HMSD: variants seen among roughly 807,000 people sequenced by gnomAD.
HMSD encodes histocompatibility minor serpin domain containing.
In HMSD, 13 loss-of-function variants were observed where a neutral mutation model predicts 10.0. The ratio of observed to expected loss-of-function variants is 1.31; its 90% CI spans 0.85 to 2.08. The LOEUF (loss-of-function observed/expected upper bound fraction) is 2.08. HMSD is among the 30% of genes most tolerant of loss of function. The pLI is 0.00. For synonymous variants in HMSD, 51 were observed against 54.2 expected (o/e 0.94, Z 0.26); for missense variants, 169 against 166.3 (o/e 1.02, Z -0.09).
intron 1 of HMSD, among the ~76,000 whole-genome samples, chr18:63,952,040 C>CA (rs1040138258): frequency 2.0e-5 from 3 of 147,176 alleles, no homozygotes; most frequent in Non-Finnish European, 4.5e-5. Context: ...ATCGCAAGAA[C>CA]AAAAAACCAA....
downstream of HMSD, among the ~76,000 whole-genome samples, chr18:63,964,713 G>A (rs953244921): frequency 6.6e-6 from 1 of 152,090 alleles, no homozygotes; most frequent in Non-Finnish European, 1.5e-5. Context: ...GGCAGGGAGA[G>A]CAATTTATCT....
At chr18:63,967,661 G>A (rs1387867113) in intron 3 of HMSD, among the ~76,000 whole-genome samples, 1 of 152,192 alleles carries the variant, frequency 6.6e-6, no homozygotes, top group Non-Finnish European at 1.5e-5. Context: ...CTAGGTCAAG[G>A]TTGAGTCGGG....
downstream of HMSD, among the ~76,000 whole-genome samples, chr18:63,963,307 C>T (rs578237244): frequency 6.6e-6 from 1 of 151,608 alleles, no homozygotes; most frequent in African/African-American, 2.4e-5. Flanking sequence ...CGCTCTGTCA[C>T]CCAGGCTGGA....
intron 3 of HMSD, among the ~76,000 whole-genome samples, chr18:63,956,619 A>G (rs1158084505): frequency 1.3e-5 from 2 of 152,236 alleles, no homozygotes; most frequent in African/African-American, 4.8e-5. Flanking sequence ...GAACACTTCC[A>G]TGCGGCTGGT....
intron 1 of HMSD, among the ~76,000 whole-genome samples, chr18:63,949,614 C>T (rs1317400395): frequency 2.0e-5 from 3 of 152,120 alleles, no homozygotes; most frequent in African/African-American, 7.2e-5. Flanking sequence ...GGCTGTGTGC[C>T]CTATGGGTCC....
At chr18:63,956,081 A>G (rs2050356554) in intron 3 of HMSD, among the ~76,000 whole-genome samples, 1 of 152,204 alleles carries the variant, frequency 6.6e-6, no homozygotes, top group African/African-American at 2.4e-5. Context: ...CAGCCCCAGT[A>G]GAGGCCACAG....
At chr18:63,957,271 C>G (rs953800827) in intron 3 of HMSD, among the ~76,000 whole-genome samples, 7 of 148,924 alleles carry the variant, frequency 4.7e-5, no homozygotes, top group African/African-American at 7.5e-5. Flanking sequence ...ACAACATATG[C>G]GATAGGGAAG....
rs567660045 is a variant in HMSD at position 63,952,212 on chromosome 18, T to C, written c.-102-1142T>C. 1.7e-4 allele frequency among the ~76,000 whole-genome samples: 26 copies of C among 151,212 alleles called. 1 individual carries two copies. Among genetic ancestry groups the C allele is most frequent in the Admixed American group, 1.6e-3 (24 of 15,208 alleles). ...CTAGATGACGAGTTAGTGGGTGCAG[T>C]GCACCAGCATGGCACATGTATACAT... is the stretch of plus-strand genomic sequence containing the variant. On this transcript the variant is annotated intron_variant, in intron 1 of 3. Coordinates refer to ENST00000408945, the MANE Select transcript of HMSD (RefSeq NM_001123366.2).
intron 1 of HMSD, among the ~76,000 whole-genome samples, chr18:63,949,946 G>GA (rs1306187464): frequency 6.6e-6 from 1 of 152,160 alleles, no homozygotes; most frequent in African/African-American, 2.4e-5. Flanking sequence ...AAATGAGGAC[G>GA]ATACTGTTGC....
At chr18:63,963,909 G>A (rs1044155458), downstream of HMSD, among the ~76,000 whole-genome samples, 3 of 152,182 alleles carry the variant, frequency 2.0e-5, no homozygotes, top group African/African-American at 7.2e-5. Flanking sequence ...TTCAGTGTAG[G>A]CACCCAGCAG....
Position 63,960,641 on chromosome 18 carries a change from T to A in HMSD, c.*286T>A. ...CAGGCTTGAAATGCAACTGCTGTGA[T>A]CAGTGATAAGGGAACACACTGATGA... On this transcript the variant is annotated 3_prime_UTR_variant, in exon 4 of 4. Transcript: ENST00000408945. The A allele has an allele frequency of 3.1e-6, 1 of 324,624 alleles. No homozygotes were observed. Among genetic ancestry groups the A allele is most frequent in the Admixed American group, 5.0e-5 (1 of 19,902 alleles). The allele number at this position is 324,624 out of a possible 1,614,324, so 20.1% of individuals were successfully genotyped here. A position where few individuals can be genotyped will look rare whatever the true frequency, so the allele number is the denominator to read the frequency against.
At chr18:63,957,410 T>G (rs909815481) in intron 3 of HMSD, among the ~76,000 whole-genome samples, 1 of 152,172 alleles carries the variant, frequency 6.6e-6, no homozygotes, top group Non-Finnish European at 1.5e-5. Flanking sequence ...ACATATCCTC[T>G]TACACATTTT....
chr18:63,964,129 T>C (rs191704197), downstream of HMSD, among the ~76,000 whole-genome samples: 7 of 152,360 alleles, frequency 4.6e-5, no homozygotes, highest in African/African-American at 1.7e-4. Context: ...TCATAGCCAC[T>C]GCAGACTGCA....
In HMSD at chr18:63,953,387, T is replaced by C; in HGVS notation, c.-69T>C. On this transcript the variant is annotated 5_prime_UTR_variant, in exon 2 of 4. The change abolishes an upstream ATG in the 5' untranslated region. Coordinates refer to ENST00000408945, the MANE Select transcript of HMSD (RefSeq NM_001123366.2). ...TCATGGATGCTCTATCAGAAGCAAA[T>C]GGCACATTTGCATTAAACCTTTTGA... is the stretch of plus-strand genomic sequence containing the variant. The C allele has an allele frequency of 8.3e-7, 1 of 1,199,626 alleles. No individual in the cohort carries two copies. 74.3% of individuals were successfully genotyped at this position (1,199,626 alleles called of 1,614,324 possible). A position where few individuals can be genotyped will look rare whatever the true frequency, so the allele number is the denominator to read the frequency against.
At chr18:63,951,307 ATTTG>A (rs975160764) in intron 1 of HMSD, among the ~76,000 whole-genome samples, 4 of 152,246 alleles carry the variant, frequency 2.6e-5, no homozygotes, top group African/African-American at 9.6e-5. Context: ...AAGGAAAACA[ATTTG>A]TTTACCAAAT....
At chr18:63,962,422 C>G (rs2050390714), downstream of HMSD, among the ~76,000 whole-genome samples, 1 of 152,204 alleles carries the variant, frequency 6.6e-6, no homozygotes, top group African/African-American at 2.4e-5. Flanking sequence ...AAACCTGTCT[C>G]CCTTTAAGAT....
chr18:63,957,521 A>G (rs1395135469), intron 3 of HMSD, among the ~76,000 whole-genome samples: 1 of 152,034 alleles, frequency 6.6e-6, no homozygotes, highest in Non-Finnish European at 1.5e-5. Context: ...CTTGCTTTCG[A>G]CTCTAAATTA....
At position 63,954,411 on chromosome 18, in the gene HMSD, C is replaced by G. The variant is rs1451185936; in HGVS notation, c.76C>G (p.Leu26Val). 1.2e-6 allele frequency: 2 copies of G among 1,609,512 alleles called. No individual in the cohort carries two copies. Among genetic ancestry groups the G allele is most frequent in the Admixed American group, 1.7e-5 (1 of 59,660 alleles). Reference sequence around the variant, plus strand: ...TTTATTATTATTTTATTTTCAGGCACTTTGTTTTAGTAAAATCGGAGGTGA... The same window carrying G: ...TTTATTATTATTTTATTTTCAGGCAGTTTGTTTTAGTAAAATCGGAGGTGA... ...GNTAAQMSQA[L>V]CFSKIGGEDG... The change falls in exon 3 of 4, where the codon CTT becomes GTT. Residue 26 changes from leucine to valine, a missense_variant. Physicochemically the swap from Leu to Val is conservative, Grantham distance 32. Transcript: ENST00000408945.
chr18:63,967,149 T>C (rs548028839), intron 3 of HMSD, among the ~76,000 whole-genome samples: 1 of 152,278 alleles, frequency 6.6e-6, no homozygotes, highest in East Asian at 1.9e-4. Context: ...GTTTTTTGTT[T>C]GTTTGTTTGA....
Sources: allele counts gnomAD v4.1 joint callset (sites outside exome capture counted in the v4.1 genomes callset), GRCh38; gene constraint gnomAD v4.1.1; transcripts MANE v1.5; gene names NCBI Gene and HGNC (gene_info 2026-07-23, HGNC 2026-07-21).